The following DACH2 variants were observed in gnomAD, a reference collection of about 807,000 sequenced individuals.
DACH2 encodes dachshund family transcription factor 2.
DACH2 carries 17 observed loss-of-function variants against 35.8 expected under a neutral mutation model. The observed-to-expected ratio is 0.48, with a 90% confidence interval of 0.33 to 0.71. The LOEUF is 0.71. DACH2 is among the 30% of genes least tolerant of loss of function. The pLI is 0.02. For missense variants in DACH2, 469 were observed against 472.7 expected (o/e 0.99, Z 0.07); for synonymous variants, 195 against 177.3 (o/e 1.10, Z -0.79).
intron 1 of DACH2, among the ~76,000 whole-genome samples, chrX:86,205,927 C>T (rs935146772): frequency 2.7e-5 from 3 of 111,180 alleles, no homozygotes; most frequent in African/African-American, 9.8e-5. Flanking sequence ...TACCTACTGC[C>T]TACTCCAAAT....
chrX:86,270,325 T>C (rs940700827), intron 1 of DACH2, among the ~76,000 whole-genome samples: 1 of 111,061 alleles, frequency 9.0e-6, no homozygotes, highest in Admixed American at 9.7e-5. Context: ...TACACTGATA[T>C]TGAATATAGA....
Position 86,522,732 on chromosome X carries a change from A to C in DACH2, c.640+8341A>C, listed in dbSNP as rs776818614. On this transcript the variant is annotated intron_variant, in intron 3 of 11. Coordinates refer to ENST00000373125, the MANE Select transcript of DACH2 (RefSeq NM_053281.3). ...ATTTCTGTCTTTGTTTCCATCATAC[A>C]ATCAATAGCTTAATTCCCCAATAGC... 1.9e-3 allele frequency among the ~76,000 whole-genome samples: 216 copies of C among 111,711 alleles called. 2 individuals are homozygous for C. Among genetic ancestry groups the C allele is most frequent in the African/African-American group, 6.9e-3 (212 of 30,808 alleles).
chrX:86,781,970 A>G (rs889818231), intron 7 of DACH2, among the ~76,000 whole-genome samples: 6 of 112,304 alleles, frequency 5.3e-5, no homozygotes, highest in Non-Finnish European at 1.1e-4. Context: ...AGAACTGATA[A>G]ACAAATTCAG....
intron 3 of DACH2, among the ~76,000 whole-genome samples, chrX:86,549,198 A>T (rs2039014068): frequency 8.9e-6 from 1 of 111,917 alleles, no homozygotes; most frequent in African/African-American, 3.2e-5. Context: ...AAAAAATCTC[A>T]TGTTCTACAT....
At chrX:86,418,704 T>C (rs2036750733) in intron 2 of DACH2, among the ~76,000 whole-genome samples, 1 of 111,146 alleles carries the variant, frequency 9.0e-6, no homozygotes, top group African/African-American at 3.3e-5. Context: ...TGAAAACCTC[T>C]GACATGCCCT....
chrX:86,330,312 A>C (rs2035189303), intron 1 of DACH2, among the ~76,000 whole-genome samples: 1 of 112,164 alleles, frequency 8.9e-6, no homozygotes, highest in African/African-American at 3.2e-5. Flanking sequence ...TAAGGCAAGG[A>C]GGTTCCAGCT....
chrX:86,503,533 T>G (rs1569422869), intron 2 of DACH2, among the ~76,000 whole-genome samples: 1 of 112,205 alleles, frequency 8.9e-6, no homozygotes, highest in African/African-American at 3.2e-5. Context: ...ATATTCAAAT[T>G]ATCATTAGTA....
intron 3 of DACH2, among the ~76,000 whole-genome samples, chrX:86,551,166 C>CT (rs2039044026): frequency 1.8e-5 from 2 of 111,420 alleles, no homozygotes; most frequent in Admixed American, 1.9e-4. Context: ...ATAGGAATTG[C>CT]TTTTTTCTCT....
Position 86,282,386 on chromosome X carries a change from AAAAC to A in DACH2, c.489-94435_489-94432del, listed in dbSNP as rs1312029690. On this transcript the variant is annotated intron_variant, in intron 1 of 11. Coordinates refer to ENST00000373125, the MANE Select transcript of DACH2 (RefSeq NM_053281.3). ...CATCTGATCTTTGACAAACCTGACA[AAAAC>A]AAGCAATGGGGAAAGGATTCTCTAT... Among the ~76,000 whole-genome samples, 5 of 111,827 alleles carry A rather than the reference AAAAC, an allele frequency of 4.5e-5. No individual in the cohort carries two copies. In the East Asian group the frequency reaches 1.4e-3, roughly 31 times the overall value.
chrX:86,361,147 A>G (rs2035733436), intron 1 of DACH2, among the ~76,000 whole-genome samples: 1 of 111,620 alleles, frequency 9.0e-6, no homozygotes, highest in Admixed American at 9.6e-5. Flanking sequence ...TTTTCAGCAA[A>G]CAATATGTAA....
intron 2 of DACH2, among the ~76,000 whole-genome samples, chrX:86,431,871 G>A (rs1242038867): frequency 9.0e-6 from 1 of 111,384 alleles, no homozygotes; most frequent in East Asian, 2.8e-4. Flanking sequence ...ATTTGTAAAG[G>A]TAGCACTAAT....
intron 2 of DACH2, among the ~76,000 whole-genome samples, chrX:86,404,528 A>G (rs2036491455): frequency 8.9e-6 from 1 of 112,433 alleles, no homozygotes; most frequent in Non-Finnish European, 1.9e-5. Flanking sequence ...CATCCAGGTT[A>G]TGCTGATGCA....
chrX:86,342,819 T>A (rs57230617), intron 1 of DACH2, among the ~76,000 whole-genome samples: 2,552 of 109,017 alleles, frequency 0.023, 77 homozygotes, highest in African/African-American at 0.079. Context: ...ATAAATTAAT[T>A]AATTAATTAA....
At chrX:86,607,888 T>G (rs1274603663) in intron 3 of DACH2, among the ~76,000 whole-genome samples, 1 of 106,873 alleles carries the variant, frequency 9.4e-6, no homozygotes, top group Non-Finnish European at 1.9e-5. Context: ...AATGATGATT[T>G]CCAATTTCAT....
At chrX:86,584,641 G>C (rs1490696063) in intron 3 of DACH2, among the ~76,000 whole-genome samples, 1 of 110,114 alleles carries the variant, frequency 9.1e-6, no homozygotes, top group Non-Finnish European at 1.9e-5. Flanking sequence ...ACATTTTTTG[G>C]GTCATTCATT....
At chrX:86,557,328 A>G (rs190155274) in intron 3 of DACH2, among the ~76,000 whole-genome samples, 1 of 111,347 alleles carries the variant, frequency 9.0e-6, no homozygotes, top group African/African-American at 3.3e-5. Flanking sequence ...ATTAACCATC[A>G]CAACATGTGG....
intron 2 of DACH2, among the ~76,000 whole-genome samples, chrX:86,493,275 G>A (rs1418305740): frequency 9.0e-6 from 1 of 111,509 alleles, no homozygotes; most frequent in African/African-American, 3.3e-5. Flanking sequence ...ATCATGAACA[G>A]TACTTTTTCA....
intron 3 of DACH2, among the ~76,000 whole-genome samples, chrX:86,610,110 A>G (rs1464959314): frequency 1.8e-5 from 2 of 111,707 alleles, no homozygotes; most frequent in African/African-American, 6.5e-5. Context: ...GGGACTAGCT[A>G]GGGACTAGAA....
At chrX:86,689,659 A>G (rs1480080228) in intron 4 of DACH2, among the ~76,000 whole-genome samples, 1 of 111,648 alleles carries the variant, frequency 9.0e-6, no homozygotes, top group Non-Finnish European at 1.9e-5. Context: ...TTATGCACAT[A>G]AGATTACTGG....
Sources: allele counts gnomAD v4.1 joint callset (sites outside exome capture counted in the v4.1 genomes callset), GRCh38; gene constraint gnomAD v4.1.1; transcripts MANE v1.5; gene names NCBI Gene and HGNC (gene_info 2026-07-23, HGNC 2026-07-21).